Variants in VWA8 observed in about 807,000 individuals in gnomAD.
VWA8 encodes von Willebrand factor A domain-containing protein 8.
VWA8 carries 221 observed loss-of-function variants against 241.5 expected under a neutral mutation model. The observed-to-expected ratio is 0.91, with a 90% CI of 0.82 to 1.02. VWA8 has a LOEUF of 1.02. Ranked by LOEUF, VWA8 falls within the 50% of genes least tolerant of loss-of-function variation. VWA8 has a pLI of 0.00. For missense variants in VWA8, 2,322 were observed against 2,328.7 expected, an observed-to-expected ratio of 1.00 and a Z score of 0.06; for synonymous variants, 852 against 827.1, an observed-to-expected ratio of 1.03 and a Z score of -0.52.
At chr13:41,684,698 C>T (rs2045123469) in intron 35 of VWA8, among the ~76,000 whole-genome samples, 1 of 152,068 alleles carries the variant, frequency 6.6e-6, no homozygotes, top group East Asian at 1.9e-4. Flanking sequence ...CACGATAAGC[C>T]CCTGACTTTC....
At chr13:41,749,162 AAAAC>A (rs1414652018) in intron 21 of VWA8, among the ~76,000 whole-genome samples, 2 of 152,216 alleles carry the variant, frequency 1.3e-5, no homozygotes, top group South Asian at 4.1e-4. Flanking sequence ...TTACAAGAAA[AAAAC>A]AAACAACCCC....
intron 27 of VWA8, among the ~76,000 whole-genome samples, chr13:41,701,957 T>C (rs2045253035): frequency 6.6e-6 from 1 of 152,222 alleles, no homozygotes; most frequent in Non-Finnish European, 1.5e-5. Flanking sequence ...TACACAGAAA[T>C]GTAATGGTTA....
chr13:41,830,059 G>A (rs974453449), intron 14 of VWA8, among the ~76,000 whole-genome samples: 1 of 152,210 alleles, frequency 6.6e-6, no homozygotes, highest in African/African-American at 2.4e-5. Context: ...TGGCTAACAA[G>A]GTGAAACCCT....
chr13:41,731,049 T>A (rs2045479151), intron 22 of VWA8, among the ~76,000 whole-genome samples: 1 of 150,244 alleles, frequency 6.7e-6, no homozygotes, highest in Non-Finnish European at 1.5e-5. Context: ...AATAAAAAAA[T>A]AAAATAAAAT....
At position 41,685,055 on chromosome 13, in the gene VWA8, T is replaced by A. The variant is rs189748469; in HGVS notation, c.4319A>T (p.Tyr1440Phe). The A allele has an allele frequency of 4.0e-5, 65 of 1,612,870 alleles. No individual in the cohort carries two copies. The Admixed American group carries it at 5.0e-4, about 12-fold the overall frequency. The change falls in exon 35 of 45, where the codon TAC (tyrosine) becomes TTC (phenylalanine). Residue 1440 changes from tyrosine (Y) to phenylalanine (F), a missense_variant. Transcript: ENST00000379310. ...GGTGAGTTCCTTCTTACCTTTTGGG[T>A]AGATATCTTTTAGAGGGACTTCTCC... ...PPGEVPLKDI[Y>F]PKDVTPPQTS...
At chr13:41,911,954 A>AT (rs1199088631) in intron 3 of VWA8, 84 bp downstream of exon 3, 62 of 1,307,984 alleles carry the variant, frequency 4.7e-5, no homozygotes, top group Non-Finnish European at 5.8e-5. Context: ...TAATTCTGAT[A>AT]TTTTTTATAA....
intron 21 of VWA8, among the ~76,000 whole-genome samples, chr13:41,743,679 TTAA>T (rs2045584277): frequency 6.6e-6 from 1 of 152,216 alleles, no homozygotes; most frequent in African/African-American, 2.4e-5. Flanking sequence ...ACATTACCCT[TTAA>T]AAATATTTAT....
At chr13:41,740,015 C>G (rs943500766) in intron 21 of VWA8, among the ~76,000 whole-genome samples, 7 of 151,658 alleles carry the variant, frequency 4.6e-5, no homozygotes, top group African/African-American at 1.7e-4. Context: ...CCACCATGCC[C>G]GGCTAATTTT....
intron 20 of VWA8, among the ~76,000 whole-genome samples, chr13:41,770,094 A>G (rs1460328880): frequency 5.3e-5 from 8 of 152,184 alleles, no homozygotes; most frequent in Non-Finnish European, 1.2e-4. Flanking sequence ...AAGAGGCACC[A>G]TATGAGGCAA....
intron 37 of VWA8, among the ~76,000 whole-genome samples, chr13:41,649,623 A>T (rs2044856276): frequency 6.9e-6 from 1 of 145,560 alleles, no homozygotes; most frequent in South Asian, 2.3e-4. Flanking sequence ...AGTATTCATC[A>T]CAAGTTGATT....
At chr13:41,886,177 C>A in intron 7 of VWA8, 149 bp from the exon 8 acceptor site, 1 of 595,594 alleles carries the variant, frequency 1.7e-6, no homozygotes, top group Non-Finnish European at 2.8e-6. Flanking sequence ...TCATAATATC[C>A]TACTTAAAAC....
rs571624147 is a variant in VWA8, at chr13:41,633,309, T to C, written c.4612-18225A>G. On this transcript the variant is annotated intron_variant, in intron 37 of 44. Transcript: ENST00000379310. ...AAACATCTGGAGGGAAGGGACTGAA[T>C]CTTATTCTTCCTAACATCTTCAGCA... Among the ~76,000 whole-genome samples, 3 of 152,292 alleles carry C rather than the reference T, an allele frequency of 2.0e-5. No homozygotes were observed. In the South Asian group the frequency reaches 6.2e-4, roughly 32 times the overall value.
chr13:41,896,631 CT>C (rs1385939048), intron 4 of VWA8, among the ~76,000 whole-genome samples: 1 of 151,978 alleles, frequency 6.6e-6, no homozygotes, highest in Non-Finnish European at 1.5e-5. Flanking sequence ...AACAATACCC[CT>C]ATAAAATGCA....
At chr13:41,806,314 GAAAA>G (rs1870206893) in intron 17 of VWA8, among the ~76,000 whole-genome samples, 1 of 152,144 alleles carries the variant, frequency 6.6e-6, no homozygotes, top group Admixed American at 6.5e-5. Context: ...ATGTATCTTG[GAAAA>G]CTAGAAATGC....
intron 9 of VWA8, among the ~76,000 whole-genome samples, chr13:41,882,769 G>C (rs1166350851): frequency 2.0e-5 from 3 of 152,152 alleles, no homozygotes; most frequent in East Asian, 1.9e-4. Flanking sequence ...GTCCAGCTTC[G>C]GCTGGGCATC....
At chr13:41,887,921 G>C (rs1433823413) in intron 5 of VWA8, among the ~76,000 whole-genome samples, 3 of 152,160 alleles carry the variant, frequency 2.0e-5, no homozygotes. Flanking sequence ...ATGAATCAAA[G>C]TTCAAAGGAG....
At chr13:41,891,921 C>T (rs547487037) in intron 4 of VWA8, among the ~76,000 whole-genome samples, 1 of 152,268 alleles carries the variant, frequency 6.6e-6, no homozygotes, top group African/African-American at 2.4e-5. Context: ...AACAAGGGCA[C>T]AGATTCCACA....
intron 35 of VWA8, among the ~76,000 whole-genome samples, chr13:41,677,030 T>C (rs1158211814): frequency 6.6e-6 from 1 of 152,236 alleles, no homozygotes; most frequent in African/African-American, 2.4e-5. Flanking sequence ...TCCAGAATTA[T>C]ATTTTCAAGA....
intron 39 of VWA8, 62 bp downstream of exon 39, chr13:41,611,514 C>T (rs1411488455): frequency 3.9e-6 from 6 of 1,555,032 alleles, no homozygotes; most frequent in Non-Finnish European, 5.2e-6. Context: ...GGTTTCCCCA[C>T]AGTCCATCAT....
Sources: gnomAD v4.1 joint callset for allele counts (sites outside exome capture counted in the v4.1 genomes callset) on GRCh38, gnomAD v4.1.1 for gene constraint, MANE v1.5 for transcripts, NCBI Gene and HGNC (gene_info 2026-07-23, HGNC 2026-07-21) for gene names.